The following GNPTAB variants were observed in gnomAD, a reference collection of about 807,000 sequenced individuals.
GNPTAB encodes N-acetylglucosamine-1-phosphate transferase subunits alpha and beta.
In GNPTAB, 92 loss-of-function variants were observed where a neutral mutation model predicts 136.6. The observed-to-expected ratio is 0.67, with a 90% CI of 0.57 to 0.80. The LOEUF (loss-of-function observed/expected upper bound fraction) is 0.80. GNPTAB is among the 30% of genes least tolerant of loss of function. The pLI is 0.00. For synonymous variants in GNPTAB, 512 were observed against 535.1 expected (o/e 0.96, Z 0.60); for missense variants, 1,343 against 1,501.8 (o/e 0.89, Z 1.75).
At chr12:101,809,382 T>C (rs957264151) in intron 1 of GNPTAB, among the ~76,000 whole-genome samples, 1 of 152,236 alleles carries the variant, frequency 6.6e-6, no homozygotes, top group Non-Finnish European at 1.5e-5. Flanking sequence ...TGTCAGTGTC[T>C]CACACAGCTA....
At chr12:101,764,073 T>C (rs577535697) in intron 13 of GNPTAB, 129 bp downstream of exon 13, 17 of 1,195,306 alleles carry the variant, frequency 1.4e-5, no homozygotes, top group East Asian at 2.4e-5. Flanking sequence ...AATGAAACCA[T>C]GTAAGAAAAG....
chr12:101,760,048 G>T lies in GNPTAB; in HGVS notation c.3231C>A (p.Ser1077=). Residue 1077 remains serine, a synonymous_variant, in exon 16 of 21, where the codon TCC becomes TCA. Transcript: ENST00000299314. ...QLNNIPPTQE[S]YYDPNLPPVT... The stretch of plus-strand genomic sequence containing the variant: ...CACTTACCAGGTTGGGATCATAGTA[G>T]GATTCCTGAGTTGGTGGAATATTAT... The T allele has an allele frequency of 6.2e-7, 1 of 1,607,654 alleles. No individual in the cohort carries two copies. Among genetic ancestry groups the T allele is most frequent in the Non-Finnish European group, 8.5e-7 (1 of 1,174,136 alleles).
At chr12:101,772,013 G>A (rs1368548118) in intron 7 of GNPTAB, among the ~76,000 whole-genome samples, 1 of 152,246 alleles carries the variant, frequency 6.6e-6, no homozygotes, top group Non-Finnish European at 1.5e-5. Context: ...AGGACTGCCT[G>A]AAGTGCTTCC....
chr12:101,779,723 C>A, intron 7 of GNPTAB: 1 of 209,466 alleles, frequency 4.8e-6, no homozygotes, highest in Non-Finnish European at 9.8e-6. Context: ...TTCCATTGTT[C>A]ACACCCTAAG....
chr12:101,808,375 TA>T (rs779978335), intron 1 of GNPTAB, among the ~76,000 whole-genome samples: 1,275 of 106,674 alleles, frequency 0.012, 9 homozygotes, highest in African/African-American at 0.031. Flanking sequence ...CCCGGGCAAT[TA>T]AAAAAAAAAA....
chr12:101,827,543 T>G (rs562118949), intron 1 of GNPTAB, among the ~76,000 whole-genome samples: 1 of 152,316 alleles, frequency 6.6e-6, no homozygotes, highest in East Asian at 1.9e-4. Flanking sequence ...GCTTGTTTTG[T>G]TTGATACTTC....
chr12:101,814,451 A>G (rs1158465983), intron 1 of GNPTAB, among the ~76,000 whole-genome samples: 1 of 152,136 alleles, frequency 6.6e-6, no homozygotes, highest in African/African-American at 2.4e-5. Context: ...TAATTCCCGC[A>G]CTTTGGAAGC....
At chr12:101,830,522 C>G (rs921868360) in intron 1 of GNPTAB, 37 bp downstream of exon 1, 9 of 1,253,880 alleles carry the variant, frequency 7.2e-6, no homozygotes, top group Non-Finnish European at 1.1e-5. Flanking sequence ...AGTGCAGGGT[C>G]GAGGCGCCCG....
At chr12:101,755,287 G>A (rs899671377) in intron 18 of GNPTAB, among the ~76,000 whole-genome samples, 1 of 152,142 alleles carries the variant, frequency 6.6e-6, no homozygotes, top group Admixed American at 6.5e-5. Context: ...TTCTGAAGAA[G>A]GAAGTTTTAG....
Position 101,797,946 on chromosome 12 carries a change from T to C in GNPTAB, c.118-1184A>G, listed in dbSNP as rs117141746. Among the ~76,000 whole-genome samples, 712 of 152,248 alleles carry C rather than the reference T, an allele frequency of 4.7e-3. 17 individuals are homozygous for C. In the East Asian group the frequency reaches 0.095, roughly 20 times the overall value. The stretch of plus-strand genomic sequence containing the variant: ...TTTCCTTTCAGTAGGATTATTCCCA[T>C]TGGCACGCAAACATGTTCCCGTACC... On this transcript the variant is annotated intron_variant, in intron 1 of 20. Coordinates refer to ENST00000299314, the MANE Select transcript of GNPTAB (RefSeq NM_024312.5).
intron 7 of GNPTAB, 33 bp from the exon 8 acceptor site, chr12:101,771,190 G>T: frequency 6.4e-7 from 1 of 1,574,232 alleles, no homozygotes; most frequent in African/African-American, 1.4e-5. Context: ...CACATGAAAA[G>T]ACTGAATCTC....
chr12:101,760,538 T>C (rs1398821687), intron 15 of GNPTAB, among the ~76,000 whole-genome samples: 1 of 152,134 alleles, frequency 6.6e-6, no homozygotes, highest in Non-Finnish European at 1.5e-5. Flanking sequence ...AGAATGAATA[T>C]ACCACAAGAA....
chr12:101,802,713 A>G (rs112891482), intron 1 of GNPTAB, among the ~76,000 whole-genome samples: 20 of 152,306 alleles, frequency 1.3e-4, no homozygotes, highest in African/African-American at 4.3e-4. Flanking sequence ...GAAAATGTTG[A>G]ATCTACTCAA....
intron 20 of GNPTAB, 140 bp from the exon 21 acceptor site, chr12:101,747,381 T>C: frequency 9.1e-6 from 6 of 657,154 alleles, no homozygotes; most frequent in Non-Finnish European, 1.7e-5. Context: ...CAAATCTCCA[T>C]CATTCCTCTT....
At chr12:101,780,330 G>A (rs1333596900) in intron 6 of GNPTAB, 44 bp from the exon 7 acceptor site, 3 of 1,606,076 alleles carry the variant, frequency 1.9e-6, no homozygotes, top group Admixed American at 1.7e-5. Context: ...ACATCATGAG[G>A]CTGGTGAAAA....
intron 1 of GNPTAB, among the ~76,000 whole-genome samples, chr12:101,809,490 T>C (rs1566096373): frequency 6.6e-6 from 1 of 152,214 alleles, no homozygotes; most frequent in Non-Finnish European, 1.5e-5. Context: ...AGCAGCTTTA[T>C]TCATAATTGC....
chr12:101,756,979 G>C (rs1271574565), intron 18 of GNPTAB: 5 of 478,744 alleles, frequency 1.0e-5, no homozygotes, highest in African/African-American at 9.8e-5. Flanking sequence ...GGGTCTCTCT[G>C]AACAGCTTGT....
chr12:101,771,523 C>T lies in GNPTAB; in HGVS notation c.772-366G>A, dbSNP rs149889282. On this transcript the variant is annotated intron_variant, in intron 7 of 20. Coordinates refer to ENST00000299314, the MANE Select transcript of GNPTAB (RefSeq NM_024312.5). ...CCTCCCAAAGTGCTGGGATTACAGG[C>T]GTGAGCCACTGCAACTGGCCTGATC... 3.7e-3 allele frequency among the ~76,000 whole-genome samples: 566 copies of T among 152,220 alleles called. 3 individuals are homozygous for T. Among genetic ancestry groups the T allele is most frequent in the African/African-American group, 0.013 (530 of 41,550 alleles).
intron 20 of GNPTAB, among the ~76,000 whole-genome samples, chr12:101,748,560 G>A (rs1341388300): frequency 6.6e-6 from 1 of 152,250 alleles, no homozygotes; most frequent in Non-Finnish European, 1.5e-5. Context: ...GAGGCTGCGT[G>A]TGTACATGCA....
Sources: gnomAD v4.1 joint callset for allele counts (sites outside exome capture counted in the v4.1 genomes callset) on GRCh38, gnomAD v4.1.1 for gene constraint, MANE v1.5 for transcripts, NCBI Gene and HGNC (gene_info 2026-07-23, HGNC 2026-07-21) for gene names.